RBFOX1: variants seen among roughly 807,000 people sequenced by gnomAD.
RBFOX1 encodes the protein RNA binding protein fox-1 homolog 1.
In RBFOX1, 8 loss-of-function variants were observed where a neutral mutation model predicts 57.7. The observed-to-expected ratio is 0.14, with a 90% confidence interval of 0.08 to 0.25. RBFOX1 has a LOEUF of 0.25. Ranked by LOEUF, RBFOX1 falls within the 10% of genes least tolerant of loss-of-function variation. The pLI, the probability that RBFOX1 is intolerant of heterozygous loss-of-function variation, is 1.00. For synonymous variants in RBFOX1, 326 were observed against 222.4 expected, an observed-to-expected ratio of 1.47 and a Z score of -4.15; for missense variants, 611 against 548.5, an observed-to-expected ratio of 1.11 and a Z score of -1.14.
chr16:6,202,763 T>G (rs891604571), intron 1 of RBFOX1, among the ~76,000 whole-genome samples: 2 of 152,100 alleles, frequency 1.3e-5, no homozygotes, highest in African/African-American at 2.4e-5. Flanking sequence ...GTTCTTTATG[T>G]AATTTATTTT....
At chr16:7,683,299 C>T (rs1229305044) in intron 14 of RBFOX1, among the ~76,000 whole-genome samples, 1 of 151,238 alleles carries the variant, frequency 6.6e-6, no homozygotes, top group African/African-American at 2.4e-5. Context: ...CTGAGTTTCT[C>T]TTAGTTTATA....
At chr16:7,001,400 GTATATGTATA>G (rs1568311853) in intron 3 of RBFOX1, among the ~76,000 whole-genome samples, 3,846 of 83,172 alleles carry the variant, frequency 0.046, 160 homozygotes, top group African/African-American at 0.13. Flanking sequence ...ATGTGTATTT[GTATATGTATA>G]TGTATATGTA....
intron 3 of RBFOX1, among the ~76,000 whole-genome samples, chr16:6,677,216 A>G (rs1012255050): frequency 2.0e-5 from 3 of 152,220 alleles, no homozygotes; most frequent in South Asian, 2.1e-4. Flanking sequence ...GACTACAACT[A>G]GAATACAGGT....
chr16:7,571,279 G>T (rs1247959753), intron 5 of RBFOX1, among the ~76,000 whole-genome samples: 2 of 152,156 alleles, frequency 1.3e-5, no homozygotes, highest in Non-Finnish European at 2.9e-5. Flanking sequence ...ATGCCACGCA[G>T]GTGGCCTCAG....
At chr16:5,740,723 G>C (rs1180360862) in intron 3 of RBFOX1, among the ~76,000 whole-genome samples, 1 of 152,154 alleles carries the variant, frequency 6.6e-6, no homozygotes, top group Non-Finnish European at 1.5e-5. Context: ...GAGCTGTCAT[G>C]GTGGCAAAAG....
chr16:6,521,318 C>T (rs1312467792), intron 2 of RBFOX1, among the ~76,000 whole-genome samples: 2 of 152,106 alleles, frequency 1.3e-5, no homozygotes, highest in East Asian at 1.9e-4. Context: ...AAGCCCAAGA[C>T]ATCCCTGTCT....
chr16:6,946,758 C>G (rs1447786413), intron 3 of RBFOX1, among the ~76,000 whole-genome samples: 2 of 152,062 alleles, frequency 1.3e-5, no homozygotes, highest in African/African-American at 2.4e-5. Context: ...TCACTCCACT[C>G]TGCCCAACTA....
chr16:6,217,174 C>CTT (rs71142697), intron 1 of RBFOX1, among the ~76,000 whole-genome samples: 10,319 of 119,042 alleles, frequency 0.087, 778 homozygotes, highest in Admixed American at 0.11. Flanking sequence ...TTAGGGGATT[C>CTT]TTTTTTTTTT....
chr16:5,549,319 C>G (rs1429651984), intron 2 of RBFOX1, among the ~76,000 whole-genome samples: 1 of 152,226 alleles, frequency 6.6e-6, no homozygotes, highest in Non-Finnish European at 1.5e-5. Flanking sequence ...TTGAACTTTG[C>G]TTTCTCTCCT....
intron 4 of RBFOX1, among the ~76,000 whole-genome samples, chr16:7,502,506 G>A (rs770808991): frequency 3.9e-5 from 6 of 152,164 alleles, no homozygotes; most frequent in East Asian, 1.9e-4. Flanking sequence ...CTATGTTTAC[G>A]TACCCAGCTT....
intron 2 of RBFOX1, among the ~76,000 whole-genome samples, chr16:5,509,369 C>G (rs1039667668): frequency 7.2e-5 from 11 of 152,182 alleles, no homozygotes; most frequent in African/African-American, 2.7e-4. Context: ...AGCGGGTGAT[C>G]TCCCTCCACC....
chr16:5,807,005 A>G (rs2055251835), intron 3 of RBFOX1, among the ~76,000 whole-genome samples: 1 of 152,174 alleles, frequency 6.6e-6, no homozygotes, highest in Non-Finnish European at 1.5e-5. Context: ...GGGAGAAGCT[A>G]GAGCTACCCC....
intron 1 of RBFOX1, among the ~76,000 whole-genome samples, chr16:6,306,529 G>T (rs1195077775): frequency 6.6e-6 from 1 of 152,166 alleles, no homozygotes; most frequent in African/African-American, 2.4e-5. Context: ...CTTCTTAATA[G>T]CACGTGTGTG....
intron 1 of RBFOX1, among the ~76,000 whole-genome samples, chr16:5,355,861 C>A (rs1200750691): frequency 6.6e-6 from 1 of 152,106 alleles, no homozygotes. Flanking sequence ...GAGGCCGAGG[C>A]AGGTGAATCG....
At chr16:6,100,411 C>T (rs879625766) in intron 1 of RBFOX1, among the ~76,000 whole-genome samples, 2 of 152,178 alleles carry the variant, frequency 1.3e-5, no homozygotes, top group Admixed American at 6.5e-5. Flanking sequence ...ATCCGCCCGC[C>T]GCGGCCTCCC....
intron 1 of RBFOX1, among the ~76,000 whole-genome samples, chr16:6,142,827 T>A (rs919503994): frequency 6.6e-6 from 1 of 152,164 alleles, no homozygotes; most frequent in East Asian, 1.9e-4. Context: ...TCCTTTTTGT[T>A]TGTAGATCGT....
chr16:6,241,009 C>G (rs2097537379), intron 1 of RBFOX1, among the ~76,000 whole-genome samples: 2 of 152,148 alleles, frequency 1.3e-5, no homozygotes, highest in Admixed American at 6.5e-5. Context: ...CTCCTCTGAT[C>G]AATACTTCGC....
intron 4 of RBFOX1, among the ~76,000 whole-genome samples, chr16:7,221,379 A>G (rs1479619842): frequency 7.3e-6 from 1 of 137,362 alleles, no homozygotes; most frequent in East Asian, 2.2e-4. Flanking sequence ...TTATTTATTT[A>G]TTTATGAGAC....
intron 4 of RBFOX1, among the ~76,000 whole-genome samples, chr16:6,000,111 C>G (rs1021049496): frequency 1.3e-5 from 2 of 151,936 alleles, no homozygotes; most frequent in South Asian, 4.2e-4. Context: ...CTTACCTCCT[C>G]CTATTATCTC....
Sources: allele counts gnomAD v4.1 joint callset (sites outside exome capture counted in the v4.1 genomes callset), GRCh38; gene constraint gnomAD v4.1.1; transcripts MANE v1.5; gene names NCBI Gene and HGNC (gene_info 2026-07-23, HGNC 2026-07-21).